AGBL4: variants seen among roughly 807,000 people sequenced by gnomAD.
AGBL4 encodes the protein cytosolic carboxypeptidase 6.
In AGBL4, 58 loss-of-function variants were observed where a neutral mutation model predicts 66.4. The ratio of observed to expected loss-of-function variants is 0.87; its 90% CI spans 0.71 to 1.09. The LOEUF (loss-of-function observed/expected upper bound fraction) is 1.09, where lower values mean the gene tolerates loss of function less well. AGBL4 is among the 50% of genes least tolerant of loss of function. AGBL4 has a pLI of 0.00. For missense variants in AGBL4, 579 were observed against 631.0 expected, an observed-to-expected ratio of 0.92 and a Z score of 0.88; for synonymous variants, 234 against 222.9, an observed-to-expected ratio of 1.05 and a Z score of -0.44.
intron 2 of AGBL4, among the ~76,000 whole-genome samples, chr1:49,802,236 T>A (rs546476470): frequency 6.6e-6 from 1 of 152,124 alleles, no homozygotes; most frequent in Admixed American, 6.5e-5. Flanking sequence ...GTGACCCATG[T>A]GGAGAGCCTA....
At chr1:49,426,247 T>C (rs1218777836) in intron 3 of AGBL4, among the ~76,000 whole-genome samples, 2 of 152,124 alleles carry the variant, frequency 1.3e-5, no homozygotes, top group African/African-American at 4.8e-5. Flanking sequence ...TCATTGGCCA[T>C]GAGTTAACAT....
chr1:48,853,391 T>G (rs1174281663), intron 6 of AGBL4, among the ~76,000 whole-genome samples: 1 of 152,210 alleles, frequency 6.6e-6, no homozygotes, highest in Non-Finnish European at 1.5e-5. Flanking sequence ...AATAAACATC[T>G]ATTGATGTTT....
intron 3 of AGBL4, among the ~76,000 whole-genome samples, chr1:49,670,043 T>C (rs1327510888): frequency 6.6e-6 from 1 of 152,054 alleles, no homozygotes; most frequent in African/African-American, 2.4e-5. Flanking sequence ...CATCCTGAAG[T>C]GGTCAATGAA....
At chr1:48,844,293 T>G (rs1384173797) in intron 6 of AGBL4, among the ~76,000 whole-genome samples, 1 of 152,140 alleles carries the variant, frequency 6.6e-6, no homozygotes, top group Non-Finnish European at 1.5e-5. Context: ...CAGTCCTACA[T>G]CTCTTCTCAG....
intron 4 of AGBL4, among the ~76,000 whole-genome samples, chr1:49,107,614 C>T (rs599981): frequency 0.65 from 98,169 of 150,818 alleles, 32,301 homozygotes; most frequent in Middle Eastern, 0.73. Context: ...ATAAAGACTT[C>T]ATATAGTGGA....
chr1:49,940,732 A>T (rs1252690992), intron 1 of AGBL4, among the ~76,000 whole-genome samples: 2 of 152,066 alleles, frequency 1.3e-5, no homozygotes, highest in Non-Finnish European at 2.9e-5. Context: ...GGATAGCATT[A>T]GGAGATATAC....
At chr1:48,745,926 AAGG>A (rs1270711813) in intron 6 of AGBL4, among the ~76,000 whole-genome samples, 2 of 152,154 alleles carry the variant, frequency 1.3e-5, no homozygotes, top group South Asian at 2.1e-4. Flanking sequence ...TCCCCTACTA[AAGG>A]AGGAGGGAGC....
At chr1:48,553,322 A>G (rs1644276598) in intron 11 of AGBL4, among the ~76,000 whole-genome samples, 1 of 152,320 alleles carries the variant, frequency 6.6e-6, no homozygotes, top group Non-Finnish European at 1.5e-5. Flanking sequence ...CTTGTCTCAC[A>G]TATATTTTTA....
chr1:49,595,940 C>T (rs1644844667), intron 3 of AGBL4, among the ~76,000 whole-genome samples: 1 of 152,082 alleles, frequency 6.6e-6, no homozygotes, highest in African/African-American at 2.4e-5. Flanking sequence ...AGATAGACAG[C>T]CCTTTAATGC....
At chr1:49,927,304 T>C (rs1430153432) in intron 1 of AGBL4, among the ~76,000 whole-genome samples, 2 of 152,104 alleles carry the variant, frequency 1.3e-5, no homozygotes, top group East Asian at 3.8e-4. Flanking sequence ...TAAGAAGAAA[T>C]ACCTGAGATT....
intron 3 of AGBL4, among the ~76,000 whole-genome samples, chr1:49,517,222 G>A (rs1020034351): frequency 6.0e-5 from 9 of 151,144 alleles, no homozygotes; most frequent in Non-Finnish European, 1.3e-4. Flanking sequence ...TTGAACTAAT[G>A]TATCTAGTAT....
intron 5 of AGBL4, among the ~76,000 whole-genome samples, chr1:48,981,332 T>A (rs921675586): frequency 1.3e-5 from 2 of 152,206 alleles, no homozygotes; most frequent in Non-Finnish European, 2.9e-5. Flanking sequence ...ACTTTATATA[T>A]GTTCTAAGGA....
At chr1:49,652,608 A>T (rs1376705891) in intron 3 of AGBL4, among the ~76,000 whole-genome samples, 1 of 152,132 alleles carries the variant, frequency 6.6e-6, no homozygotes, top group African/African-American at 2.4e-5. Flanking sequence ...AGGGATGGCC[A>T]CCATCACTAG....
chr1:49,136,609 G>A (rs1305882804), intron 4 of AGBL4, among the ~76,000 whole-genome samples: 1 of 152,072 alleles, frequency 6.6e-6, no homozygotes, highest in Non-Finnish European at 1.5e-5. Context: ...TAAGAAAATG[G>A]CACCAAATTA....
chr1:49,426,560 G>A (rs1405470649), intron 3 of AGBL4, among the ~76,000 whole-genome samples: 2 of 151,984 alleles, frequency 1.3e-5, no homozygotes, highest in African/African-American at 4.8e-5. Flanking sequence ...TTCTGTGCCT[G>A]CCCCAGTGCA....
chr1:49,532,264 T>C (rs541946980), intron 3 of AGBL4, among the ~76,000 whole-genome samples: 15 of 152,278 alleles, frequency 9.9e-5, no homozygotes, highest in South Asian at 6.2e-4. Context: ...ATATAGAACA[T>C]GCTCAGGGAA....
At chr1:49,318,298 C>T (rs1645073967) in intron 3 of AGBL4, among the ~76,000 whole-genome samples, 1 of 151,564 alleles carries the variant, frequency 6.6e-6, no homozygotes, top group South Asian at 2.1e-4. Context: ...TAGAAATAAG[C>T]TTCTATTAAT....
At chr1:49,383,546 A>G (rs1216663332) in intron 3 of AGBL4, among the ~76,000 whole-genome samples, 5 of 152,128 alleles carry the variant, frequency 3.3e-5, no homozygotes, top group African/African-American at 1.2e-4. Flanking sequence ...ACAATGGGGA[A>G]AGTACAGTTT....
downstream of AGBL4, among the ~76,000 whole-genome samples, chr1:48,531,084 G>A (rs1312477802): frequency 6.6e-6 from 1 of 152,126 alleles, no homozygotes; most frequent in Non-Finnish European, 1.5e-5. Context: ...ACCACACAGA[G>A]GGCTGCTGAC....
Sources: gnomAD v4.1 joint callset for allele counts (sites outside exome capture counted in the v4.1 genomes callset) on GRCh38, gnomAD v4.1.1 for gene constraint, MANE v1.5 for transcripts, NCBI Gene and HGNC (gene_info 2026-07-23, HGNC 2026-07-21) for gene names.